The following TNIK variants were observed in gnomAD, a reference collection of about 807,000 sequenced individuals.
TNIK encodes TRAF2 and NCK-interacting protein kinase.
A neutral mutation model predicts 191.3 loss-of-function variants in TNIK; 49 were observed. The observed-to-expected ratio is 0.26, with a 90% CI of 0.20 to 0.32. The LOEUF (loss-of-function observed/expected upper bound fraction) is 0.32. Among genes scored for constraint, TNIK ranks in the 10% least tolerant of loss-of-function variants. The pLI is 1.00. For synonymous variants in TNIK, 594 were observed against 600.9 expected, an observed-to-expected ratio of 0.99 and a Z score of 0.17; for missense variants, 1,155 against 1,702.3, an observed-to-expected ratio of 0.68 and a Z score of 5.66.
intron 2 of TNIK, among the ~76,000 whole-genome samples, chr3:171,300,706 C>T (rs969725150): frequency 1.3e-5 from 2 of 152,152 alleles, no homozygotes; most frequent in East Asian, 1.9e-4. Context: ...AAAAAGAAAT[C>T]GTCAAGTACT....
chr3:171,245,148 A>G (rs1745452426), intron 2 of TNIK, among the ~76,000 whole-genome samples: 1 of 152,224 alleles, frequency 6.6e-6, no homozygotes, highest in South Asian at 2.1e-4. Context: ...TCCATTGTGT[A>G]TAAAGGTGCC....
At chr3:171,367,560 C>G (rs1715914862) in intron 2 of TNIK, among the ~76,000 whole-genome samples, 1 of 152,100 alleles carries the variant, frequency 6.6e-6, no homozygotes, top group South Asian at 2.1e-4. Context: ...ACCTCTGCCT[C>G]CCAGGCTTAA....
At chr3:171,434,649 A>G (rs1221111629) in intron 1 of TNIK, among the ~76,000 whole-genome samples, 2 of 152,018 alleles carry the variant, frequency 1.3e-5, no homozygotes, top group Non-Finnish European at 2.9e-5. Flanking sequence ...TTTTAGAGAC[A>G]GGGTCTTTCT....
intron 1 of TNIK, among the ~76,000 whole-genome samples, chr3:171,441,162 T>C (rs1037559694): frequency 2.0e-5 from 3 of 152,056 alleles, no homozygotes; most frequent in Non-Finnish European, 4.4e-5. Flanking sequence ...GTGGAGCTGG[T>C]CAACTATGAA....
At chr3:171,336,984 G>A (rs1163083459) in intron 2 of TNIK, among the ~76,000 whole-genome samples, 2 of 152,076 alleles carry the variant, frequency 1.3e-5, no homozygotes, top group Non-Finnish European at 2.9e-5. Context: ...GGAAGCCTCT[G>A]GATTCTGACA....
intron 2 of TNIK, among the ~76,000 whole-genome samples, chr3:171,348,052 G>C (rs1327370357): frequency 2.0e-5 from 3 of 152,188 alleles, no homozygotes; most frequent in Non-Finnish European, 4.4e-5. Context: ...GGTAGCCACA[G>C]TGCTAGGATG....
intron 3 of TNIK, among the ~76,000 whole-genome samples, chr3:171,215,475 T>C (rs1011579037): frequency 6.6e-6 from 1 of 152,208 alleles, no homozygotes. Context: ...AGTTCACTCA[T>C]ACTTTAAATG....
intron 7 of TNIK, among the ~76,000 whole-genome samples, chr3:171,183,219 CT>C (rs1406867806): frequency 6.6e-6 from 1 of 152,192 alleles, no homozygotes; most frequent in Non-Finnish European, 1.5e-5. Context: ...CTCCTCCAGA[CT>C]TGATCTCCCG....
intron 2 of TNIK, among the ~76,000 whole-genome samples, chr3:171,276,846 A>G (rs1449139460): frequency 6.6e-6 from 1 of 152,234 alleles, no homozygotes; most frequent in Non-Finnish European, 1.5e-5. Flanking sequence ...AGAGAAACAA[A>G]AAACAAATTA....
At chr3:171,323,060 A>G (rs1448337212) in intron 2 of TNIK, among the ~76,000 whole-genome samples, 2 of 138,990 alleles carry the variant, frequency 1.4e-5, no homozygotes, top group Non-Finnish European at 3.2e-5. Flanking sequence ...GAACACAGCC[A>G]TTCTCATTCC....
intron 4 of TNIK, among the ~76,000 whole-genome samples, chr3:171,196,843 C>T (rs1738739153): frequency 1.3e-5 from 2 of 152,152 alleles, no homozygotes; most frequent in African/African-American, 4.8e-5. Context: ...CAAGCTCCAC[C>T]TCTTGGGTTC....
At chr3:171,290,530 A>C (rs947666986) in intron 2 of TNIK, among the ~76,000 whole-genome samples, 6 of 152,256 alleles carry the variant, frequency 3.9e-5, no homozygotes, top group African/African-American at 1.4e-4. Context: ...TTATATGTCA[A>C]AATGAATTTT....
intron 2 of TNIK, chr3:171,347,256 C>G: frequency 6.6e-7 from 1 of 1,505,144 alleles, no homozygotes; most frequent in South Asian, 1.2e-5. Context: ...AATGACAAAA[C>G]CCTAGCTCAG....
intron 12 of TNIK, among the ~76,000 whole-genome samples, chr3:171,149,413 G>A (rs144201260): frequency 6.6e-6 from 1 of 152,288 alleles, no homozygotes; most frequent in Non-Finnish European, 1.5e-5. Context: ...GTAGGCAGGA[G>A]CCTGGGCAAA....
At chr3:171,090,574 A>G (rs2108402612) in intron 23 of TNIK, among the ~76,000 whole-genome samples, 1 of 151,648 alleles carries the variant, frequency 6.6e-6, no homozygotes, top group South Asian at 2.1e-4. Flanking sequence ...CTGTGTACAA[A>G]GGTCCATGGA....
intron 1 of TNIK, among the ~76,000 whole-genome samples, chr3:171,425,462 C>A (rs1409402574): frequency 6.6e-6 from 1 of 152,114 alleles, no homozygotes; most frequent in African/African-American, 2.4e-5. Flanking sequence ...AAGCAAATAT[C>A]CCCACAATAA....
In TNIK at chr3:171,119,752, A is replaced by T. The variant is rs543168387; in HGVS notation, c.2120+3844T>A. ...CATAGGTGGGAATTGAACAATGAGA[A>T]CACATGGACACAGTAAGGGGAACAT... On this transcript the variant is annotated intron_variant, in intron 18 of 32. Transcript: ENST00000436636. Among the ~76,000 whole-genome samples, 687 of 151,808 alleles carry T rather than the reference A, an allele frequency of 4.5e-3. 6 individuals are homozygous for T. Among genetic ancestry groups the T allele is most frequent in the African/African-American group, 0.015 (634 of 41,402 alleles).
intron 2 of TNIK, among the ~76,000 whole-genome samples, chr3:171,283,547 A>G (rs907250579): frequency 4.6e-5 from 7 of 152,174 alleles, no homozygotes; most frequent in South Asian, 4.1e-4. Flanking sequence ...GCTCTGAAAA[A>G]AGACAGTCTC....
chr3:171,206,504 T>A (rs956785808), intron 4 of TNIK, among the ~76,000 whole-genome samples: 1 of 151,910 alleles, frequency 6.6e-6, no homozygotes, highest in African/African-American at 2.4e-5. Context: ...GTACAATACC[T>A]CCCATTAACA....
Sources: allele counts gnomAD v4.1 joint callset (sites outside exome capture counted in the v4.1 genomes callset), GRCh38; gene constraint gnomAD v4.1.1; transcripts MANE v1.5; gene names NCBI Gene and HGNC (gene_info 2026-07-23, HGNC 2026-07-21).